GKAP1: variants seen among roughly 807,000 people sequenced by gnomAD.
The protein encoded by GKAP1 is G kinase-anchoring protein 1.
A neutral mutation model predicts 56.7 loss-of-function variants in GKAP1; 31 were observed. That is an observed-to-expected ratio of 0.55 (90% CI 0.41 to 0.74). GKAP1 has a LOEUF of 0.74. Among genes scored for constraint, GKAP1 ranks in the 30% least tolerant of loss-of-function variants. The pLI is 0.00. For missense variants in GKAP1, 364 were observed against 402.3 expected (o/e 0.90, Z 0.82); for synonymous variants, 151 against 138.6 (o/e 1.09, Z -0.63).
At chr9:83,769,735 C>A (rs1397912672) in intron 7 of GKAP1, among the ~76,000 whole-genome samples, 1 of 152,154 alleles carries the variant, frequency 6.6e-6, no homozygotes, top group African/African-American at 2.4e-5. Flanking sequence ...TGGGTATATA[C>A]CTAAGAGTAG....
chr9:83,769,177 T>G (rs1564196797), intron 7 of GKAP1, among the ~76,000 whole-genome samples: 1 of 152,248 alleles, frequency 6.6e-6, no homozygotes, highest in Non-Finnish European at 1.5e-5. Flanking sequence ...GAGACACATT[T>G]GGAAATTTCC....
At chr9:83,762,703 A>T (rs1050710590) in intron 8 of GKAP1, among the ~76,000 whole-genome samples, 58 of 152,306 alleles carry the variant, frequency 3.8e-4, no homozygotes, top group African/African-American at 1.2e-3. Flanking sequence ...ACACACACAC[A>T]CAGACCAATG....
chr9:83,792,037 C>T (rs909827061), intron 4 of GKAP1, among the ~76,000 whole-genome samples: 1 of 152,156 alleles, frequency 6.6e-6, no homozygotes, highest in African/African-American at 2.4e-5. Context: ...AAAACACAGG[C>T]TTTGGGAGAT....
chr9:83,807,444 T>C (rs1318611423), intron 2 of GKAP1, among the ~76,000 whole-genome samples: 1 of 152,146 alleles, frequency 6.6e-6, no homozygotes. Flanking sequence ...AAGACAAAGA[T>C]TGTCTTAACA....
chr9:83,748,533 CTTAAA>C (rs1460224410), intron 9 of GKAP1, 161 bp from the exon 10 acceptor site: 2 of 455,360 alleles, frequency 4.4e-6, no homozygotes, highest in Middle Eastern at 5.9e-4. Context: ...CTATCTACAA[CTTAAA>C]TTAAGTCCCT....
chr9:83,806,899 A>G (rs1944447803), intron 2 of GKAP1, among the ~76,000 whole-genome samples: 1 of 152,208 alleles, frequency 6.6e-6, no homozygotes, highest in Non-Finnish European at 1.5e-5. Context: ...GTGGAAAAGA[A>G]TATCATTTTT....
chr9:83,743,362 A>T (rs1943239604), intron 10 of GKAP1, among the ~76,000 whole-genome samples: 1 of 152,168 alleles, frequency 6.6e-6, no homozygotes, highest in African/African-American at 2.4e-5. Context: ...TGGGAGGCTG[A>T]GGCAGGCAGA....
At chr9:83,748,978 T>C (rs1943341192) in intron 9 of GKAP1, 1 of 152,250 alleles carries the variant, frequency 6.6e-6, no homozygotes, top group Non-Finnish European at 1.5e-5. Context: ...TTTCACTAAC[T>C]AAATAATCAC....
chr9:83,804,857 C>T (rs1430487554), intron 3 of GKAP1, among the ~76,000 whole-genome samples: 1 of 147,118 alleles, frequency 6.8e-6, no homozygotes, highest in Non-Finnish European at 1.5e-5. Context: ...GGGGGTCAGC[C>T]CCCCGCCCGG....
intron 3 of GKAP1, among the ~76,000 whole-genome samples, chr9:83,803,084 G>C (rs1044511252): frequency 3.3e-5 from 5 of 152,082 alleles, no homozygotes; most frequent in African/African-American, 1.2e-4. Flanking sequence ...ATTCCAATCT[G>C]GGTAACAAGA....
At chr9:83,805,456 T>C (rs1944423721) in intron 3 of GKAP1, among the ~76,000 whole-genome samples, 1 of 135,152 alleles carries the variant, frequency 7.4e-6, no homozygotes, top group Non-Finnish European at 1.6e-5. Context: ...CACCCAAGAA[T>C]GATCAATAAA....
At chr9:83,785,807 A>G (rs1022563020) in intron 5 of GKAP1, among the ~76,000 whole-genome samples, 7 of 152,190 alleles carry the variant, frequency 4.6e-5, no homozygotes, top group African/African-American at 1.4e-4. Flanking sequence ...AATCAATCTA[A>G]AAGTTAAAAT....
At chr9:83,815,204 G>C (rs1944565520) in intron 2 of GKAP1, among the ~76,000 whole-genome samples, 1 of 152,048 alleles carries the variant, frequency 6.6e-6, no homozygotes, top group African/African-American at 2.4e-5. Context: ...TAATTTAAGA[G>C]AACTAGGATG....
At chr9:83,757,801 T>C (rs1273465240) in intron 8 of GKAP1, among the ~76,000 whole-genome samples, 2 of 151,796 alleles carry the variant, frequency 1.3e-5, no homozygotes, top group Admixed American at 6.6e-5. Flanking sequence ...CTGAAAAATA[T>C]TTCAAAGATT....
chr9:83,748,470 CA>C (rs1281080736), intron 9 of GKAP1, 98 bp from the exon 10 acceptor site: 1 of 648,482 alleles, frequency 1.5e-6, no homozygotes, highest in African/African-American at 1.9e-5. Flanking sequence ...TTGGCTTGCT[CA>C]AAGATATAAT....
chr9:83,773,301 T>C (rs1181940499), intron 7 of GKAP1, among the ~76,000 whole-genome samples: 2 of 152,182 alleles, frequency 1.3e-5, no homozygotes, highest in African/African-American at 2.4e-5. Context: ...GAGTCCATTA[T>C]AGGTTACAAG....
intron 10 of GKAP1, among the ~76,000 whole-genome samples, chr9:83,746,082 C>T (rs544806097): frequency 6.6e-6 from 1 of 152,048 alleles, no homozygotes; most frequent in Non-Finnish European, 1.5e-5. Flanking sequence ...TGAGCCACTG[C>T]GCCTGGCCTC....
intron 4 of GKAP1, chr9:83,792,913 G>T: frequency 1.6e-6 from 1 of 636,114 alleles, no homozygotes; most frequent in Non-Finnish European, 2.1e-6. Context: ...GGAAATAGCA[G>T]GCACTAAAAT....
At chr9:83,747,486 A>T (rs112748967) in intron 10 of GKAP1, among the ~76,000 whole-genome samples, 9 of 152,292 alleles carry the variant, frequency 5.9e-5, no homozygotes, top group African/African-American at 2.2e-4. Context: ...ATCCTAAGCA[A>T]ATGTTAGGCT....
Sources: gnomAD v4.1 joint callset for allele counts (sites outside exome capture counted in the v4.1 genomes callset) on GRCh38, gnomAD v4.1.1 for gene constraint, MANE v1.5 for transcripts, NCBI Gene and HGNC (gene_info 2026-07-23, HGNC 2026-07-21) for gene names.